RTTN: variants seen among roughly 807,000 people sequenced by gnomAD.
RTTN encodes the protein rotatin.
In RTTN, 182 loss-of-function variants were observed where a neutral mutation model predicts 269.2. The ratio of observed to expected loss-of-function variants is 0.68; its 90% CI spans 0.60 to 0.76. The LOEUF is 0.76. Among genes scored for constraint, RTTN ranks in the 30% least tolerant of loss-of-function variants. RTTN has a pLI of 0.00. For missense variants in RTTN, 2,545 were observed against 2,608.6 expected (o/e 0.98, Z 0.53); for synonymous variants, 1,006 against 963.5 (o/e 1.04, Z -0.82).
intron 35 of RTTN, among the ~76,000 whole-genome samples, chr18:70,065,269 T>C (rs1437063129): frequency 9.1e-5 from 3 of 32,806 alleles, no homozygotes; most frequent in Non-Finnish European, 1.8e-4. Flanking sequence ...TCTCTAGAAT[T>C]TAAAAAAAAA....
chr18:70,087,058 C>CAG (rs756964375), intron 31 of RTTN, among the ~76,000 whole-genome samples: 143 of 152,136 alleles, frequency 9.4e-4, no homozygotes, highest in Middle Eastern at 6.8e-3. Flanking sequence ...AGATTACACA[C>CAG]ACACACACAC....
chr18:70,199,576 G>A, intron 4 of RTTN, 72 bp from the exon 5 acceptor site: 1 of 1,110,392 alleles, frequency 9.0e-7, no homozygotes, highest in South Asian at 1.3e-5. Flanking sequence ...TTAAGAGTAA[G>A]TTTTCCCTTT....
rs570824264 is a variant in RTTN at position 70,109,684 on chromosome 18, C to T, written c.3717G>A (p.Thr1239=). ...KCSELLYVFQ[T]QLALKLLQCL... ...ACTGGAGCAGTTTCAGAGCCAGCTG[C>T]GTTTGAAAAACGTAAAGAAGTTCCG... The change falls in exon 28 of 49, where the codon ACG becomes ACA. Residue 1239 remains threonine, a synonymous_variant. Transcript: ENST00000640769. The T allele has an allele frequency of 1.1e-5, 17 of 1,613,956 alleles. No homozygotes were observed. The highest frequency in any genetic ancestry group is 4.5e-5 in the East Asian group (2 of 44,868).
intron 34 of RTTN, among the ~76,000 whole-genome samples, chr18:70,066,910 T>C (rs980890245): frequency 7.9e-5 from 12 of 152,206 alleles, no homozygotes; most frequent in Admixed American, 2.6e-4. Context: ...AAATGGAATA[T>C]ACAGTTTTTT....
At chr18:70,062,766 C>T (rs1476649219) in intron 35 of RTTN, among the ~76,000 whole-genome samples, 1 of 152,052 alleles carries the variant, frequency 6.6e-6, no homozygotes, top group Non-Finnish European at 1.5e-5. Context: ...TGTGTGCCAC[C>T]ATGCCTGGCT....
rs756600371 is a variant in RTTN at position 70,128,342 on chromosome 18, T to G, written c.3143+16A>C. On this transcript the variant is annotated intron_variant, in intron 24 of 48. Coordinates refer to ENST00000640769, the MANE Select transcript of RTTN (RefSeq NM_173630.4). ...AATTAATTGCAAATGCTTTTTAAAC[T>G]AATATAAGAGCTTACTCTTGCGTTT... is the stretch of plus-strand genomic sequence containing the variant. 3.2e-6 allele frequency: 5 copies of G among 1,579,948 alleles called. No homozygotes were observed. Among genetic ancestry groups the G allele is most frequent in the Non-Finnish European group, 4.3e-6 (5 of 1,160,940 alleles).
rs749408751 is a variant in RTTN at position 70,006,504 on chromosome 18, T to C, written c.6422-20A>G. 3 of 1,583,940 alleles carry C rather than the reference T, an allele frequency of 1.9e-6. No individual in the cohort carries two copies. Among genetic ancestry groups the C allele is most frequent in the South Asian group, 1.1e-5 (1 of 90,478 alleles). On this transcript the variant is annotated intron_variant, in intron 46 of 48. Coordinates refer to ENST00000640769, the MANE Select transcript of RTTN (RefSeq NM_173630.4). Reference sequence around the variant, plus strand: ...CTTTTTCTAAAAATGAACATATATTTTTTAAAAGTTCAGTCCCAGACACTG... The same window carrying C: ...CTTTTTCTAAAAATGAACATATATTCTTTAAAAGTTCAGTCCCAGACACTG...
chr18:70,165,196 T>C (rs976142444), intron 14 of RTTN, among the ~76,000 whole-genome samples: 1 of 152,090 alleles, frequency 6.6e-6, no homozygotes, highest in African/African-American at 2.4e-5. Context: ...AAAGGAAGTA[T>C]ATTCAAACTT....
chr18:70,130,378 A>G (rs1434529649), intron 23 of RTTN: 1 of 152,062 alleles, frequency 6.6e-6, no homozygotes, highest in Non-Finnish European at 1.5e-5. Flanking sequence ...GAATCTACCT[A>G]AGTGTCCATC....
At position 70,109,704 on chromosome 18, in the gene RTTN, G is replaced by A; in HGVS notation, c.3697C>T (p.Leu1233Phe). Residue 1233 changes from leucine to phenylalanine, a missense_variant, in exon 28 of 49, where the codon CTT becomes TTT. Coordinates refer to ENST00000640769, the MANE Select transcript of RTTN (RefSeq NM_173630.4). ...MEVTDRKCSE[L>F]LYVFQTQLAL... ...AGCTGCGTTTGAAAAACGTAAAGAA[G>A]TTCCGAGCATTTCCTATGTATGCAA... 2.5e-6 allele frequency: 4 copies of A among 1,613,946 alleles called. No homozygotes were observed. Among genetic ancestry groups the A allele is most frequent in the Non-Finnish European group, 2.5e-6 (3 of 1,179,970 alleles).
chr18:70,180,021 C>T (rs1163143468), intron 10 of RTTN, among the ~76,000 whole-genome samples: 9 of 152,104 alleles, frequency 5.9e-5, no homozygotes, highest in Admixed American at 2.0e-4. Flanking sequence ...GGTCTAGGTG[C>T]TTGTGTTCCA....
At chr18:70,099,334 C>G (rs942668555) in intron 28 of RTTN, among the ~76,000 whole-genome samples, 1 of 150,300 alleles carries the variant, frequency 6.7e-6, no homozygotes, top group African/African-American at 2.4e-5. Flanking sequence ...TGCATTTCTC[C>G]GATGATGAGC....
At chr18:70,195,930 G>T (rs1447087048) in intron 7 of RTTN, among the ~76,000 whole-genome samples, 1 of 152,128 alleles carries the variant, frequency 6.6e-6, no homozygotes, top group Non-Finnish European at 1.5e-5. Flanking sequence ...GATGACAAAT[G>T]ACTATAATAT....
intron 28 of RTTN, among the ~76,000 whole-genome samples, chr18:70,098,691 CG>C (rs1255609677): frequency 6.6e-6 from 1 of 151,946 alleles, no homozygotes; most frequent in African/African-American, 2.4e-5. Context: ...ATGTGCACAA[CG>C]TACAGGTTTG....
chr18:70,011,120 C>T (rs746336420), intron 46 of RTTN, among the ~76,000 whole-genome samples: 25 of 152,008 alleles, frequency 1.6e-4, no homozygotes, highest in African/African-American at 5.1e-4. Context: ...AAAAAAAGCC[C>T]GGGACCAGAT....
rs1190121716 is a variant in RTTN at position 70,127,404 on chromosome 18, CAGT to C, written c.3383+95_3383+97del. The C allele has an allele frequency of 2.3e-6, 3 of 1,324,440 alleles. No individual in the cohort carries two copies. The African/African-American group carries it at 4.4e-5, about 19-fold the overall frequency. The allele number at this position is 1,324,440 out of a possible 1,614,324, so 82.0% of individuals were successfully genotyped here. The stretch of plus-strand genomic sequence containing the variant: ...GGAGTTTTTCTTTCTATGATAGCAG[CAGT>C]AAGGGCATAGACTCTTATCTTCAAA... On this transcript the variant is annotated intron_variant, in intron 25 of 48. Transcript: ENST00000640769.
At position 70,143,732 on chromosome 18, in the gene RTTN, C is replaced by T. The variant is rs542200026; in HGVS notation, c.2482-1345G>A. On this transcript the variant is annotated intron_variant, in intron 18 of 48. Coordinates refer to ENST00000640769, the MANE Select transcript of RTTN (RefSeq NM_173630.4). ...CCTATATAACAAACCCGCACAGGTACCCCTGAAACTGAAATAAAAGTTTAA... is the reference window on the plus strand; with the variant it reads ...CCTATATAACAAACCCGCACAGGTATCCCTGAAACTGAAATAAAAGTTTAA... 7.9e-5 allele frequency among the ~76,000 whole-genome samples: 12 copies of T among 152,054 alleles called. No individual in the cohort carries two copies. In the East Asian group the frequency reaches 2.1e-3, roughly 27 times the overall value.
intron 9 of RTTN, among the ~76,000 whole-genome samples, chr18:70,189,719 A>C (rs2061626708): frequency 6.6e-6 from 1 of 152,210 alleles, no homozygotes; most frequent in South Asian, 2.1e-4. Flanking sequence ...GTTAACTACC[A>C]GTGAAAAAAC....
chr18:70,027,071 T>C (rs2056874706), intron 43 of RTTN, among the ~76,000 whole-genome samples: 1 of 152,226 alleles, frequency 6.6e-6, no homozygotes, highest in South Asian at 2.1e-4. Flanking sequence ...ATTTACTCCC[T>C]ACCCTCCTTC....
Sources: allele counts gnomAD v4.1 joint callset (sites outside exome capture counted in the v4.1 genomes callset), GRCh38; gene constraint gnomAD v4.1.1; transcripts MANE v1.5; gene names NCBI Gene and HGNC (gene_info 2026-07-23, HGNC 2026-07-21).